Variants in NRXN1 observed in about 807,000 individuals in gnomAD.
NRXN1 encodes the protein neurexin 1.
In NRXN1, 39 loss-of-function variants were observed where a neutral mutation model predicts 150.9. The observed-to-expected ratio is 0.26, with a 90% CI of 0.20 to 0.34. NRXN1 has a LOEUF of 0.34. Among genes scored for constraint, NRXN1 ranks in the 10% least tolerant of loss-of-function variants. The pLI, the probability that NRXN1 is intolerant of heterozygous loss-of-function variation, is 1.00. For missense variants in NRXN1, 1,815 were observed against 1,949.9 expected (o/e 0.93, Z 1.30); for synonymous variants, 924 against 757.0 (o/e 1.22, Z -3.62).
At chr2:50,869,837 T>G (rs139779244) in intron 5 of NRXN1, among the ~76,000 whole-genome samples, 216 of 152,002 alleles carry the variant, frequency 1.4e-3, no homozygotes, top group Middle Eastern at 6.8e-3. Flanking sequence ...AATTTCTAGT[T>G]AATTGACAAT....
At chr2:50,591,441 T>TA (rs1674228465) in intron 8 of NRXN1, among the ~76,000 whole-genome samples, 1 of 150,908 alleles carries the variant, frequency 6.6e-6, no homozygotes, top group African/African-American at 2.4e-5. Flanking sequence ...GATAGATAGA[T>TA]GTATACTAGT....
chr2:50,123,170 A>G (rs558777795), intron 18 of NRXN1, among the ~76,000 whole-genome samples: 9 of 152,200 alleles, frequency 5.9e-5, no homozygotes, highest in African/African-American at 4.8e-5. Flanking sequence ...CTGTAGCTTT[A>G]ATTCTACAAT....
intron 21 of NRXN1, among the ~76,000 whole-genome samples, chr2:49,946,436 T>C (rs1410828876): frequency 6.6e-6 from 1 of 152,208 alleles, no homozygotes; most frequent in Non-Finnish European, 1.5e-5. Flanking sequence ...TTTTTGTGTT[T>C]TAGTCATCAA....
intron 17 of NRXN1, among the ~76,000 whole-genome samples, chr2:50,288,823 A>C (rs1356887): frequency 0.84 from 128,438 of 152,176 alleles, 54,382 homozygotes; most frequent in African/African-American, 0.9. Flanking sequence ...GGTGGGGACA[A>C]AGCCAAACCA....
At chr2:50,676,331 C>G (rs1689535810) in intron 5 of NRXN1, among the ~76,000 whole-genome samples, 1 of 152,074 alleles carries the variant, frequency 6.6e-6, no homozygotes, top group South Asian at 2.1e-4. Flanking sequence ...AATAACCCAC[C>G]CTTAGGTATT....
intron 5 of NRXN1, among the ~76,000 whole-genome samples, chr2:50,877,574 C>T (rs1057386532): frequency 6.6e-6 from 1 of 151,936 alleles, no homozygotes; most frequent in African/African-American, 2.4e-5. Context: ...AAGTTATATA[C>T]TTTAATTGTT....
chr2:50,487,821 C>A (rs1024681890), intron 15 of NRXN1, among the ~76,000 whole-genome samples: 1 of 152,182 alleles, frequency 6.6e-6, no homozygotes, highest in African/African-American at 2.4e-5. Context: ...TTGTCCATTA[C>A]AGATCTAGAT....
rs561391384 is a variant in NRXN1 at position 50,756,454 on chromosome 2, T to A, written c.833-132839A>T. On this transcript the variant is annotated intron_variant, in intron 5 of 22. Transcript: ENST00000401669. ...ACTAACACTTCACTAGATAAGCAAA[T>A]ATAGCACTTTCAATATTATATTAAG... Among the ~76,000 whole-genome samples the A allele has an allele frequency of 2.0e-5, 3 of 151,818 alleles. No individual in the cohort carries two copies. The South Asian group carries it at 6.2e-4, about 31-fold the overall frequency.
intron 17 of NRXN1, among the ~76,000 whole-genome samples, chr2:50,320,321 T>C (rs1399041993): frequency 9.4e-5 from 12 of 127,196 alleles, no homozygotes; most frequent in Non-Finnish European, 6.7e-5. Context: ...TATATATATA[T>C]ATATATAGTA....
At chr2:50,298,792 T>C (rs1326475806) in intron 17 of NRXN1, among the ~76,000 whole-genome samples, 4 of 152,196 alleles carry the variant, frequency 2.6e-5, no homozygotes, top group Non-Finnish European at 5.9e-5. Flanking sequence ...CTTAGTTGTC[T>C]GTGGATATAT....
At chr2:50,397,637 A>C (rs1324557766) in intron 17 of NRXN1, among the ~76,000 whole-genome samples, 1 of 152,060 alleles carries the variant, frequency 6.6e-6, no homozygotes, top group Non-Finnish European at 1.5e-5. Flanking sequence ...GTTTTCCAAC[A>C]CTTTTTGATT....
At chr2:50,398,353 T>C (rs1280095481) in intron 17 of NRXN1, among the ~76,000 whole-genome samples, 1 of 152,148 alleles carries the variant, frequency 6.6e-6, no homozygotes, top group Non-Finnish European at 1.5e-5. Context: ...AAAGTACACC[T>C]GGTAAAGTCG....
At position 50,972,434 on chromosome 2, in the gene NRXN1, G is replaced by A. The variant is rs538910874; in HGVS notation, c.773-46479C>T. ...TAGAGACACAGTGACTTAGAGCAGC[G>A]ATCCCAAACCTTTTTGGCACCAGGA... On this transcript the variant is annotated intron_variant, in intron 2 of 22. Coordinates refer to ENST00000401669, the MANE Select transcript of NRXN1 (RefSeq NM_001330078.2). 7.8e-4 allele frequency among the ~76,000 whole-genome samples: 119 copies of A among 152,196 alleles called. No homozygotes were observed. In the South Asian group the frequency reaches 9.5e-3, roughly 12 times the overall value.
At chr2:50,557,544 G>T (rs1207816439) in intron 8 of NRXN1, among the ~76,000 whole-genome samples, 1 of 152,074 alleles carries the variant, frequency 6.6e-6, no homozygotes, top group Non-Finnish European at 1.5e-5. Flanking sequence ...TTTCAAACCT[G>T]TGACCTTGTG....
intron 12 of NRXN1, among the ~76,000 whole-genome samples, chr2:50,513,851 G>T (rs572800290): frequency 1.7e-3 from 253 of 152,218 alleles, no homozygotes; most frequent in African/African-American, 5.8e-3. Context: ...TATATTTGGA[G>T]TTTTAAACTC....
chr2:50,387,665 G>C (rs1409126494), intron 17 of NRXN1, among the ~76,000 whole-genome samples: 1 of 152,156 alleles, frequency 6.6e-6, no homozygotes, highest in East Asian at 1.9e-4. Context: ...ACAGTATGAA[G>C]AAATAATTGA....
intron 5 of NRXN1, among the ~76,000 whole-genome samples, chr2:50,859,447 G>C (rs2106020483): frequency 6.6e-6 from 1 of 152,072 alleles, no homozygotes; most frequent in East Asian, 1.9e-4. Context: ...GAGAAGTAAG[G>C]AATTCTGCAA....
At chr2:50,204,973 A>C (rs964937961) in intron 18 of NRXN1, among the ~76,000 whole-genome samples, 1 of 152,078 alleles carries the variant, frequency 6.6e-6, no homozygotes, top group African/African-American at 2.4e-5. Context: ...AAAGTTTAAC[A>C]TGAATCATTC....
intron 5 of NRXN1, among the ~76,000 whole-genome samples, chr2:50,763,470 CTTAA>C (rs1327842412): frequency 2.6e-5 from 4 of 151,806 alleles, no homozygotes; most frequent in Admixed American, 2.6e-4. Flanking sequence ...CTAGTAAGAG[CTTAA>C]TTAATAGTTT....
Sources: allele counts gnomAD v4.1 joint callset (sites outside exome capture counted in the v4.1 genomes callset), GRCh38; gene constraint gnomAD v4.1.1; transcripts MANE v1.5; gene names NCBI Gene and HGNC (gene_info 2026-07-23, HGNC 2026-07-21).